CACNA2D3: variants seen among roughly 807,000 people sequenced by gnomAD.
CACNA2D3 encodes calcium voltage-gated channel auxiliary subunit alpha2delta 3, also known as voltage-dependent calcium channel subunit alpha-2/delta-3.
A neutral mutation model predicts 160.6 loss-of-function variants in CACNA2D3; 60 were observed. That is an observed-to-expected ratio of 0.37 (90% confidence interval 0.30 to 0.46). The LOEUF (loss-of-function observed/expected upper bound fraction) is 0.46. Among genes scored for constraint, CACNA2D3 ranks in the 20% least tolerant of loss-of-function variants. CACNA2D3 has a pLI of 1.00. For synonymous variants in CACNA2D3, 558 were observed against 492.9 expected, an observed-to-expected ratio of 1.13 and a Z score of -1.75; for missense variants, 1,205 against 1,365.0, an observed-to-expected ratio of 0.88 and a Z score of 1.85.
At chr3:54,842,076 C>T (rs1031180491) in intron 16 of CACNA2D3, among the ~76,000 whole-genome samples, 12 of 152,294 alleles carry the variant, frequency 7.9e-5, no homozygotes, top group Non-Finnish European at 1.6e-4. Context: ...TGTTGGACTT[C>T]GTCATATAAG....
chr3:54,779,552 A>C (rs527864195), intron 13 of CACNA2D3, among the ~76,000 whole-genome samples: 25 of 152,176 alleles, frequency 1.6e-4, no homozygotes, highest in Non-Finnish European at 3.2e-4. Context: ...ACCATGGTCA[A>C]TAGTGCCTCA....
intron 4 of CACNA2D3, among the ~76,000 whole-genome samples, chr3:54,469,539 C>T (rs765215429): frequency 7.2e-5 from 11 of 152,012 alleles, no homozygotes; most frequent in Admixed American, 4.6e-4. Context: ...AGGATCACAA[C>T]GCCTTGACAG....
intron 4 of CACNA2D3, 71 bp downstream of exon 4, chr3:54,386,845 G>A (rs1699196346): frequency 7.4e-7 from 1 of 1,358,764 alleles, no homozygotes; most frequent in African/African-American, 1.5e-5. Flanking sequence ...AGGTATACCA[G>A]GAATACTGAT....
At chr3:54,324,207 G>T (rs1704072687) in intron 3 of CACNA2D3, among the ~76,000 whole-genome samples, 2 of 151,986 alleles carry the variant, frequency 1.3e-5, no homozygotes, top group Non-Finnish European at 2.9e-5. Context: ...GTCTCTTCTG[G>T]CTTGATTTCA....
At chr3:54,512,934 A>G (rs1701482515) in intron 5 of CACNA2D3, among the ~76,000 whole-genome samples, 1 of 152,174 alleles carries the variant, frequency 6.6e-6, no homozygotes, top group African/African-American at 2.4e-5. Context: ...CACATCTTAC[A>G]TGGACGGCAG....
At position 54,899,856 on chromosome 3, in the gene CACNA2D3, C is replaced by T. The variant is rs746257679; in HGVS notation, c.2437C>T (p.Pro813Ser). 1.3e-6 allele frequency: 2 copies of T among 1,600,004 alleles called. No homozygotes were observed. Among genetic ancestry groups the T allele is most frequent in the Non-Finnish European group, 8.5e-7 (1 of 1,172,458 alleles). Residue 813 changes from proline (P) to serine (S), a missense_variant, in exon 27 of 38, where the codon CCT becomes TCT. Physicochemically the swap from Pro to Ser is moderately conservative, Grantham distance 74 (BLOSUM62 -1). This residue lies in a region of CACNA2D3 where 911 missense variants were observed against 1,002.2 expected (regional missense o/e 0.91). Transcript: ENST00000474759. Reference sequence around the variant, plus strand: ...CCAGCTCCTGGATGAACGGAAATCTCCTGTGGTGGCAGGTAAATAATTGAT... The same window carrying T: ...CCAGCTCCTGGATGAACGGAAATCTTCTGTGGTGGCAGGTAAATAATTGAT... The part of the protein sequence containing the change: ...SIQLLDERKS[P>S]VVAAVGIQMK...
intron 2 of CACNA2D3, among the ~76,000 whole-genome samples, chr3:54,269,202 T>G (rs113103647): frequency 1.1e-4 from 16 of 152,104 alleles, no homozygotes; most frequent in African/African-American, 3.9e-4. Flanking sequence ...GGATTTGAAT[T>G]CCACTGGTAG....
intron 3 of CACNA2D3, among the ~76,000 whole-genome samples, chr3:54,336,933 G>A (rs1704394464): frequency 2.0e-5 from 3 of 152,206 alleles, no homozygotes; most frequent in Admixed American, 6.5e-5. Flanking sequence ...TAGAGTGGGT[G>A]CAAGTGGGGG....
intron 27 of CACNA2D3, among the ~76,000 whole-genome samples, chr3:54,926,029 T>C (rs891484400): frequency 6.6e-6 from 1 of 152,216 alleles, no homozygotes; most frequent in African/African-American, 2.4e-5. Context: ...TCCTTGATTC[T>C]TTTTTCTTTC....
chr3:55,033,627 T>G (rs1703726548), intron 35 of CACNA2D3, among the ~76,000 whole-genome samples: 1 of 142,178 alleles, frequency 7.0e-6, no homozygotes, highest in Admixed American at 7.5e-5. Flanking sequence ...GTATCTGAAA[T>G]GTGTATATAT....
intron 5 of CACNA2D3, among the ~76,000 whole-genome samples, chr3:54,508,539 G>T (rs1212842401): frequency 1.3e-5 from 2 of 152,240 alleles, no homozygotes; most frequent in Non-Finnish European, 1.5e-5. Flanking sequence ...TTATTGCAAG[G>T]TAAGGGAATG....
chr3:54,959,978 A>G (rs902304224), intron 27 of CACNA2D3, among the ~76,000 whole-genome samples: 6 of 151,982 alleles, frequency 3.9e-5, no homozygotes, highest in Admixed American at 3.9e-4. Flanking sequence ...TTCAACATCA[A>G]TCCAGTCAAG....
chr3:54,716,526 A>G (rs1001737300), intron 11 of CACNA2D3, among the ~76,000 whole-genome samples: 5 of 152,198 alleles, frequency 3.3e-5, no homozygotes, highest in African/African-American at 1.2e-4. Context: ...TGCACTTTAC[A>G]TAAGGGAAAA....
intron 8 of CACNA2D3, among the ~76,000 whole-genome samples, chr3:54,575,499 G>C (rs922895022): frequency 6.6e-6 from 1 of 151,632 alleles, no homozygotes; most frequent in Non-Finnish European, 1.5e-5. Flanking sequence ...TTGTTCTATC[G>C]ATTCATTCAA....
intron 2 of CACNA2D3, among the ~76,000 whole-genome samples, chr3:54,268,129 GGCAT>G (rs1326062582): frequency 3.3e-5 from 5 of 152,118 alleles, no homozygotes; most frequent in Non-Finnish European, 7.3e-5. Flanking sequence ...TCTGAGCTGT[GGCAT>G]GGAAATTTGA....
At chr3:54,870,116 C>T (rs1273693803) in intron 17 of CACNA2D3, among the ~76,000 whole-genome samples, 2 of 152,108 alleles carry the variant, frequency 1.3e-5, no homozygotes, top group Non-Finnish European at 2.9e-5. Flanking sequence ...ATGCAGTTGA[C>T]AGGTAAGAAA....
intron 34 of CACNA2D3, among the ~76,000 whole-genome samples, chr3:55,014,603 G>T (rs183913917): frequency 1.3e-5 from 2 of 151,998 alleles, no homozygotes; most frequent in African/African-American, 4.8e-5. Flanking sequence ...ATGATGGCGC[G>T]TGCCTGTAAT....
At position 54,879,007 on chromosome 3, in the gene CACNA2D3, T is replaced by C. The variant is rs1559614176; in HGVS notation, c.1711-11T>C. The C allele has an allele frequency of 3.8e-6, 6 of 1,576,280 alleles. No homozygotes were observed. The highest frequency in any genetic ancestry group is 1.4e-5 in the African/African-American group (1 of 73,328). On this transcript the variant is annotated splice_polypyrimidine_tract_variant and intron_variant, in intron 18 of 37. Coordinates refer to ENST00000474759, the MANE Select transcript of CACNA2D3 (RefSeq NM_018398.3). ...GGGAAGAACTAACACACTTTTCTTT[T>C]ATCATTTTAGTTGAGAAATGCTATG...
intron 2 of CACNA2D3, among the ~76,000 whole-genome samples, chr3:54,196,221 G>T (rs1165553788): frequency 2.6e-5 from 4 of 152,104 alleles, no homozygotes; most frequent in African/African-American, 9.7e-5. Context: ...TATATTATAG[G>T]TTGGACATAC....
Sources: allele counts gnomAD v4.1 joint callset (sites outside exome capture counted in the v4.1 genomes callset), GRCh38; gene constraint gnomAD v4.1.1; regional missense constraint gnomAD v4.1.1; transcripts MANE v1.5; gene names NCBI Gene and HGNC (gene_info 2026-07-23, HGNC 2026-07-21).